The following ATAD2 variants were observed in gnomAD, a reference collection of about 807,000 sequenced individuals.
The protein encoded by ATAD2 is ATPase family AAA domain containing 2, also known as ATPase family AAA domain-containing protein 2.
Under a neutral mutation model 168.9 loss-of-function variants are expected in ATAD2, and 62 were observed. That is an observed-to-expected ratio of 0.37 (90% CI 0.30 to 0.45). The LOEUF is 0.45. ATAD2 is among the 20% of genes least tolerant of loss of function. ATAD2 has a pLI of 1.00. For synonymous variants in ATAD2, 613 were observed against 571.6 expected (o/e 1.07, Z -1.03); for missense variants, 1,419 against 1,667.8 (o/e 0.85, Z 2.60).
rs528040629 is a variant in ATAD2, at chr8:123,357,475, C to G, written c.1557+87G>C. 40 of 1,239,950 alleles carry G rather than the reference C, an allele frequency of 3.2e-5. No individual in the cohort carries two copies. In the South Asian group the frequency reaches 7.2e-4, roughly 22 times the overall value. 76.8% of individuals were successfully genotyped at this position (1,239,950 alleles called of 1,614,324 possible). Reference sequence around the variant, plus strand: ...AATTCTTCTGGGTTTATTTAGAACACTGATTAAATGTAAGATTTATCTAAT... The same window carrying G: ...AATTCTTCTGGGTTTATTTAGAACAGTGATTAAATGTAAGATTTATCTAAT... On this transcript the variant is annotated intron_variant, in intron 12 of 27. Coordinates refer to ENST00000287394, the MANE Select transcript of ATAD2 (RefSeq NM_014109.4).
chr8:123,344,276 C>T (rs1483891661), intron 19 of ATAD2, among the ~76,000 whole-genome samples: 2 of 151,304 alleles, frequency 1.3e-5, no homozygotes, highest in East Asian at 3.9e-4. Flanking sequence ...TACATGAATA[C>T]ATTTATTGAT....
In ATAD2 at chr8:123,396,302, G is replaced by C. The variant is rs776988397; in HGVS notation, c.56C>G (p.Thr19Arg). 3 of 1,610,402 alleles carry C rather than the reference G, an allele frequency of 1.9e-6. No individual in the cohort carries two copies. Among genetic ancestry groups the C allele is most frequent in the Non-Finnish European group, 2.5e-6 (3 of 1,179,024 alleles). ...GTCACTGGACAGGTCCAAGGAGCCC[G>C]TGGCCGAGGCCGCGGAGTGGTTGTG... ...ELHNHSAASA[T>R]GSLDLSSDFL... The change falls in exon 1 of 28, where the codon ACG becomes AGG. Residue 19 changes from threonine to arginine, a missense_variant. Thr to Arg is a moderately conservative substitution (Grantham distance 71). Around this residue, in one of 5 missense-constraint regions of ATAD2, gnomAD observed 419 missense variants for 423.5 expected, o/e 0.99. Transcript: ENST00000287394.
chr8:123,331,317 C>A (rs1264010694), intron 24 of ATAD2, among the ~76,000 whole-genome samples: 1 of 152,132 alleles, frequency 6.6e-6, no homozygotes, highest in African/African-American at 2.4e-5. Context: ...TGGCTCACTG[C>A]AAACCCCACC....
chr8:123,330,041 G>A (rs896168060), intron 24 of ATAD2, among the ~76,000 whole-genome samples: 1 of 145,906 alleles, frequency 6.9e-6, no homozygotes, highest in Non-Finnish European at 1.5e-5. Flanking sequence ...AGGCTGGAGT[G>A]CTGTGGCATA....
At position 123,396,374 on chromosome 8, in the gene ATAD2, C is replaced by G. The variant is rs781704693; in HGVS notation, c.-17G>C. The G allele has an allele frequency of 1.3e-6, 2 of 1,553,590 alleles. No homozygotes were observed. Among genetic ancestry groups the G allele is most frequent in the South Asian group, 2.3e-5 (2 of 87,188 alleles). On this transcript the variant is annotated 5_prime_UTR_variant, in exon 1 of 28. Transcript: ENST00000287394. The stretch of plus-strand genomic sequence containing the variant: ...AACCACCATCTTCTCTCCCTACTGG[C>G]CTCGGCGTGCGCGACCGGAGAGAGA...
intron 8 of ATAD2, among the ~76,000 whole-genome samples, chr8:123,364,727 C>T (rs913431931): frequency 1.3e-5 from 2 of 152,068 alleles, no homozygotes; most frequent in Non-Finnish European, 2.9e-5. Context: ...ATCCAGCATC[C>T]CTTTATGATT....
intron 2 of ATAD2, among the ~76,000 whole-genome samples, chr8:123,377,113 G>A (rs368496573): frequency 8.6e-3 from 70 of 8,122 alleles, no homozygotes; most frequent in African/African-American, 0.02. Context: ...AAAAAAAAAA[G>A]AGCCAGGTGT....
intron 1 of ATAD2, among the ~76,000 whole-genome samples, chr8:123,390,829 T>G (rs1197745071): frequency 6.6e-6 from 1 of 152,074 alleles, no homozygotes; most frequent in African/African-American, 2.4e-5. Context: ...GTCAGGAGTT[T>G]GATACCCCGT....
rs190748290 is a variant in ATAD2, at chr8:123,360,278, A to C, written c.1158-593T>G. Among the ~76,000 whole-genome samples the C allele has an allele frequency of 6.6e-5, 10 of 152,348 alleles. No individual in the cohort carries two copies. In the East Asian group the frequency reaches 1.9e-3, roughly 29 times the overall value. On this transcript the variant is annotated intron_variant, in intron 9 of 27. Transcript: ENST00000287394. ...CCAGAAAAAATATTCGCAGTCTACC[A>C]GCATTTGGATCCAAGATCAATCCTC...
chr8:123,367,265 A>C (rs910450219), intron 8 of ATAD2, among the ~76,000 whole-genome samples: 2 of 152,054 alleles, frequency 1.3e-5, no homozygotes, highest in African/African-American at 2.4e-5. Flanking sequence ...AAATACAAAA[A>C]AATTAGCGGG....
chr8:123,382,791 T>C (rs1829529411), intron 1 of ATAD2, among the ~76,000 whole-genome samples: 1 of 152,204 alleles, frequency 6.6e-6, no homozygotes, highest in South Asian at 2.1e-4. Flanking sequence ...GTGTGGCGAT[T>C]CCTCAAGGAT....
chr8:123,338,665 A>G (rs1827985031), intron 20 of ATAD2, among the ~76,000 whole-genome samples: 1 of 152,210 alleles, frequency 6.6e-6, no homozygotes, highest in South Asian at 2.1e-4. Flanking sequence ...TGGGTCATAA[A>G]GGCAGAAGCA....
intron 13 of ATAD2, among the ~76,000 whole-genome samples, chr8:123,351,032 G>A (rs553589096): frequency 2.5e-4 from 38 of 152,012 alleles, no homozygotes; most frequent in Non-Finnish European, 4.6e-4. Context: ...CACTGCACCC[G>A]GCCTAGATCT....
chr8:123,365,059 C>CA (rs1452291065), intron 8 of ATAD2, among the ~76,000 whole-genome samples: 5 of 152,098 alleles, frequency 3.3e-5, no homozygotes, highest in South Asian at 2.1e-4. Flanking sequence ...CTAGAACTGA[C>CA]AAAAAAATCC....
chr8:123,373,388 A>C (rs567292475), intron 2 of ATAD2, among the ~76,000 whole-genome samples: 1 of 152,236 alleles, frequency 6.6e-6, no homozygotes, highest in East Asian at 1.9e-4. Flanking sequence ...ATGATACTAC[A>C]AACAAGACAT....
intron 15 of ATAD2, 155 bp downstream of exon 15, chr8:123,348,028 G>C (rs1392199378): frequency 1.4e-6 from 1 of 696,534 alleles, no homozygotes; most frequent in Non-Finnish European, 2.5e-6. Flanking sequence ...ATATAACCTT[G>C]TATTTCTTTA....
intron 1 of ATAD2, among the ~76,000 whole-genome samples, chr8:123,385,673 C>T (rs1262157279): frequency 6.6e-6 from 1 of 151,890 alleles, no homozygotes; most frequent in African/African-American, 2.4e-5. Flanking sequence ...AAAATGAGTA[C>T]CTTTTATGCA....
chr8:123,410,923 G>T (rs564169187), intron 1 of ATAD2, among the ~76,000 whole-genome samples: 27 of 152,340 alleles, frequency 1.8e-4, no homozygotes, highest in African/African-American at 6.0e-4. Flanking sequence ...AAGTGCCCGG[G>T]TTCATCCTAA....
chr8:123,340,542 C>CG (rs1242805881), intron 19 of ATAD2, among the ~76,000 whole-genome samples: 1 of 152,110 alleles, frequency 6.6e-6, no homozygotes, highest in African/African-American at 2.4e-5. Flanking sequence ...TATTCACAAA[C>CG]GTCAGGAGGT....
Sources: allele counts gnomAD v4.1 joint callset (sites outside exome capture counted in the v4.1 genomes callset), GRCh38; gene constraint gnomAD v4.1.1; regional missense constraint gnomAD v4.1.1; transcripts MANE v1.5; gene names NCBI Gene and HGNC (gene_info 2026-07-23, HGNC 2026-07-21).